PSMB3: variants seen among roughly 807,000 people sequenced by gnomAD.
PSMB3 encodes the protein proteasome subunit beta type-3.
Under a neutral mutation model 23.3 loss-of-function variants are expected in PSMB3, and 5 were observed. The observed-to-expected ratio is 0.21, with a 90% confidence interval of 0.11 to 0.45. PSMB3 has a LOEUF of 0.45. Ranked by LOEUF, PSMB3 falls within the 20% of genes least tolerant of loss-of-function variation. The pLI is 0.99. For synonymous variants in PSMB3, 85 were observed against 99.8 expected (o/e 0.85, Z 0.88); for missense variants, 192 against 277.9 (o/e 0.69, Z 2.20).
At chr17:38,754,838 A>C (rs668461) in intron 2 of PSMB3, among the ~76,000 whole-genome samples, 26,017 of 152,100 alleles carry the variant, frequency 0.17, 2,551 homozygotes, top group East Asian at 0.37. Context: ...TTCCTCCAGC[A>C]GGTGTGGCAT....
intron 3 of PSMB3, among the ~76,000 whole-genome samples, chr17:38,758,538 C>T (rs1908306435): frequency 6.6e-6 from 1 of 152,058 alleles, no homozygotes; most frequent in South Asian, 2.1e-4. Context: ...ACAGGGGTCT[C>T]ACTTTGTTGC....
intron 4 of PSMB3, 110 bp downstream of exon 4, chr17:38,760,718 A>G: frequency 8.1e-7 from 1 of 1,235,972 alleles, no homozygotes; most frequent in South Asian, 1.4e-5. Flanking sequence ...CAGGTGGGAG[A>G]GAAAGCCACA....
intron 4 of PSMB3, chr17:38,762,197 G>T: frequency 1.8e-6 from 1 of 540,570 alleles, no homozygotes; most frequent in Non-Finnish European, 3.3e-6. Flanking sequence ...AGAAATTCAG[G>T]GCTTGAAGTC....
intron 5 of PSMB3, 93 bp downstream of exon 5, chr17:38,762,598 G>C (rs1211259412): frequency 8.1e-7 from 1 of 1,239,344 alleles, no homozygotes; most frequent in Non-Finnish European, 1.2e-6. Context: ...CCAGCCCCCT[G>C]GTCAGGTGTG....
At chr17:38,764,085 A>G (rs1908575223) in intron 5 of PSMB3, 34 bp from the exon 6 acceptor site, 1 of 1,608,160 alleles carries the variant, frequency 6.2e-7, no homozygotes, top group Non-Finnish European at 8.5e-7. Context: ...CCAGATGGGT[A>G]GAGATGTTTT....
Position 38,752,874 on chromosome 17 carries a change from A to G in PSMB3, c.3+45A>G. On this transcript the variant is annotated intron_variant, in intron 1 of 5. Coordinates refer to ENST00000619426, the MANE Select transcript of PSMB3 (RefSeq NM_002795.4). The surrounding 1 kb of genome is among the most constrained non-coding windows in gnomAD (Gnocchi z 5.5). Reference sequence around the variant, plus strand: ...CAAAGGGGCATGGGGAAGGATTGAGAAGCGGAGGGGGTCAGGAGAGGCTTG... The same window carrying G: ...CAAAGGGGCATGGGGAAGGATTGAGGAGCGGAGGGGGTCAGGAGAGGCTTG... 6.2e-7 allele frequency: 1 copy of G among 1,612,880 alleles called. No homozygotes were observed. Among genetic ancestry groups the G allele is most frequent in the Non-Finnish European group, 8.5e-7 (1 of 1,179,362 alleles).
At chr17:38,759,331 C>T (rs1419755587) in intron 3 of PSMB3, among the ~76,000 whole-genome samples, 3 of 152,294 alleles carry the variant, frequency 2.0e-5, no homozygotes, top group East Asian at 1.9e-4. Flanking sequence ...CTGGGAGCTG[C>T]GGCTCATTGT....
rs771740744 is a variant in PSMB3 at position 38,755,890 on chromosome 17, C to A, written c.196C>A (p.Arg66Ser). The A allele has an allele frequency of 1.9e-6, 3 of 1,613,792 alleles. No homozygotes were observed. In the African/African-American group the frequency reaches 4.0e-5, roughly 22 times the overall value. ...ACTTTTCTCCTACCTCAGTGCCCAG[C>A]GCCTCAAGTTCCGGCTGAACCTGTA... Reference protein sequence around the residue: ...LATDVQTVAQRLKFRLNLYEL... With the variant: ...LATDVQTVAQSLKFRLNLYEL... The change falls in exon 3 of 6, where the codon CGC becomes AGC. Residue 66 changes from arginine (R) to serine (S), a missense_variant. By Grantham distance (110) the Arg-to-Ser change is moderately radical (BLOSUM62 -1). Transcript: ENST00000619426.
At chr17:38,761,675 TG>T (rs1298771062) in intron 4 of PSMB3, among the ~76,000 whole-genome samples, 1 of 151,986 alleles carries the variant, frequency 6.6e-6, no homozygotes, top group East Asian at 1.9e-4. Flanking sequence ...GGCTGGAGTG[TG>T]GGTTAAACAT....
At chr17:38,761,449 C>T (rs879215225) in intron 4 of PSMB3, among the ~76,000 whole-genome samples, 6 of 151,736 alleles carry the variant, frequency 4.0e-5, no homozygotes, top group African/African-American at 7.3e-5. Flanking sequence ...TAGTGCTTGA[C>T]GGCGAGGGTC....
Position 38,753,139 on chromosome 17 carries a change from G to C in PSMB3, c.4-11G>C. 6.2e-7 allele frequency: 1 copy of C among 1,610,628 alleles called. No homozygotes were observed. On this transcript the variant is annotated splice_polypyrimidine_tract_variant and intron_variant, in intron 1 of 5. Coordinates refer to ENST00000619426, the MANE Select transcript of PSMB3 (RefSeq NM_002795.4). ...CCCCCCGCGCTGACCCCTCCGCTCT[G>C]TCTGTCCTAGTCTATTATGTCCTAT...
At position 38,752,872 on chromosome 17, in the gene PSMB3, A is replaced by G; in HGVS notation, c.3+43A>G. The stretch of plus-strand genomic sequence containing the variant: ...AGCAAAGGGGCATGGGGAAGGATTG[A>G]GAAGCGGAGGGGGTCAGGAGAGGCT... On this transcript the variant is annotated intron_variant, in intron 1 of 5. Coordinates refer to ENST00000619426, the MANE Select transcript of PSMB3 (RefSeq NM_002795.4). This position sits in a 1 kb window ranked among gnomAD's most constrained non-coding sequence, Gnocchi z 5.5. 1 of 1,612,868 alleles carries G rather than the reference A, an allele frequency of 6.2e-7. No individual in the cohort carries two copies. Among genetic ancestry groups the G allele is most frequent in the Non-Finnish European group, 8.5e-7 (1 of 1,179,398 alleles).
rs149971965 is a variant in PSMB3 at position 38,755,896 on chromosome 17, A to G, written c.202A>G (p.Lys68Glu). The G allele has an allele frequency of 1.2e-4, 199 of 1,613,948 alleles. No homozygotes were observed. Among genetic ancestry groups the G allele is most frequent in the Non-Finnish European group, 1.6e-4 (193 of 1,180,010 alleles). The change falls in exon 3 of 6, where the codon AAG (lysine) becomes GAG (glutamate). Residue 68 changes from lysine to glutamate, a missense_variant. Physicochemically the swap from Lys to Glu is moderately conservative, Grantham distance 56 (BLOSUM62 1). Coordinates refer to ENST00000619426, the MANE Select transcript of PSMB3 (RefSeq NM_002795.4). ...TDVQTVAQRL[K>E]FRLNLYELKE... is the part of the protein sequence containing the mutation. ...CTCCTACCTCAGTGCCCAGCGCCTC[A>G]AGTTCCGGCTGAACCTGTATGAGTT... is the stretch of plus-strand genomic sequence containing the variant.
chr17:38,759,572 T>C (rs1908348211), intron 3 of PSMB3, among the ~76,000 whole-genome samples: 1 of 151,246 alleles, frequency 6.6e-6, no homozygotes, highest in African/African-American at 2.4e-5. Context: ...TGAGATGGAG[T>C]CTCGCTCTGT....
rs538586972 is a variant in PSMB3, at chr17:38,763,408, GT to G, written c.570-702del. ...CAAAAAACAGAATTTACCACCGACG[GT>G]TTTTTTTTATGTTCTTTGGGGTGAA... On this transcript the variant is annotated intron_variant, in intron 5 of 5. Transcript: ENST00000619426. Among the ~76,000 whole-genome samples, 11 of 149,994 alleles carry G rather than the reference GT, an allele frequency of 7.3e-5. 1 individual carries two copies. The East Asian group carries it at 2.0e-3, about 27-fold the overall frequency.
Position 38,760,510 on chromosome 17 carries a change from C to G in PSMB3, c.376C>G (p.Leu126Val), listed in dbSNP as rs1292978100. 6.2e-7 allele frequency: 1 copy of G among 1,614,122 alleles called. No homozygotes were observed. Among genetic ancestry groups the G allele is most frequent in the African/African-American group, 1.3e-5 (1 of 74,928 alleles). ...TFKPFICSLD[L>V]IGCPMVTDDF... The stretch of plus-strand genomic sequence containing the variant: ...TAAGCCCTTCATTTGCTCTCTAGAC[C>G]TCATCGGCTGCCCCATGGTGACTGA... The change falls in exon 4 of 6, where the codon CTC becomes GTC. Residue 126 changes from leucine to valine, a missense_variant. Physicochemically the swap from Leu to Val is conservative, Grantham distance 32 (BLOSUM62 1). Coordinates refer to ENST00000619426, the MANE Select transcript of PSMB3 (RefSeq NM_002795.4).
At chr17:38,753,016 A>G (rs1908001410) in intron 1 of PSMB3, 134 bp from the exon 2 acceptor site, 1 of 1,258,910 alleles carries the variant, frequency 7.9e-7, no homozygotes, top group Admixed American at 2.6e-5. Flanking sequence ...TGCTCATCCC[A>G]GCTGGAGAAC....
rs1367962169 is a variant in PSMB3 at position 38,755,674 on chromosome 17, ATATATATATGTGTGTG to A, written c.189-207_189-192del. Among the ~76,000 whole-genome samples the A allele has an allele frequency of 1.6e-3, 147 of 91,310 alleles. 1 individual carries two copies. The highest frequency in any genetic ancestry group is 2.8e-3 in the Non-Finnish European group (122 of 43,852). 59.9% of individuals were successfully genotyped at this position (91,310 alleles called of 152,430 possible). A position where few individuals can be genotyped will look rare whatever the true frequency, so the allele number is the denominator to read the frequency against. ...AAAAAAAAAAAATATATATATATAT[ATATATATATGTGTGTG>A]TGTGTGTGTGTGTGTGTGTGTGTGT... On this transcript the variant is annotated intron_variant, in intron 2 of 5. Transcript: ENST00000619426.
Position 38,764,136 on chromosome 17 carries a change from C to G in PSMB3, c.587C>G (p.Thr196Ser), listed in dbSNP as rs111684371. 10 of 1,614,222 alleles carry G rather than the reference C, an allele frequency of 6.2e-6. No homozygotes were observed. Among genetic ancestry groups the G allele is most frequent in the African/African-American group, 1.3e-5 (1 of 75,064 alleles). The change falls in exon 6 of 6, where the codon ACC becomes AGC. Residue 196 changes from threonine to serine, a missense_variant. Transcript: ENST00000619426. ...CTCTGCAGCGAGAAGGACAAAATCA[C>G]CACCAGGACACTGAAGGCCCGAATG... ...IVHIIEKDKI[T>S]TRTLKARMD
Sources: gnomAD v4.1 joint callset for allele counts (sites outside exome capture counted in the v4.1 genomes callset) on GRCh38, gnomAD v4.1.1 for gene constraint, Gnocchi (gnomAD v3.1) non-coding constraint, MANE v1.5 for transcripts, NCBI Gene and HGNC (gene_info 2026-07-23, HGNC 2026-07-21) for gene names.